Variants in MYH9 observed in about 807,000 individuals in gnomAD.
MYH9 encodes the protein myosin-9.
MYH9 carries 29 observed loss-of-function variants against 241.9 expected under a neutral mutation model. The observed-to-expected ratio is 0.12, with a 90% confidence interval of 0.09 to 0.16. The LOEUF (loss-of-function observed/expected upper bound fraction) is 0.16, where lower values mean the gene tolerates loss of function less well. MYH9 is among the 10% of genes least tolerant of loss of function. The pLI, the probability that MYH9 is intolerant of heterozygous loss-of-function variation, is 1.00. For missense variants in MYH9, 1,803 were observed against 2,595.5 expected, an observed-to-expected ratio of 0.69 and a Z score of 6.63; for synonymous variants, 1,047 against 1,062.6, an observed-to-expected ratio of 0.99 and a Z score of 0.29.
chr22:36,378,228 C>G (rs1049955704), intron 1 of MYH9, among the ~76,000 whole-genome samples: 1 of 151,862 alleles, frequency 6.6e-6, no homozygotes. Context: ...GAGTTGCTAT[C>G]GCGCCACCAC....
At chr22:36,378,232 C>T (rs891835356) in intron 1 of MYH9, among the ~76,000 whole-genome samples, 3 of 151,974 alleles carry the variant, frequency 2.0e-5, no homozygotes, top group Non-Finnish European at 4.4e-5. Context: ...TGCTATCGCG[C>T]CACCACATTC....
At position 36,284,874 on chromosome 22, in the gene MYH9, A is replaced by T. The variant is rs188626900; in HGVS notation, c.5483+247T>A. On this transcript the variant is annotated intron_variant, in intron 38 of 40. Coordinates refer to ENST00000216181, the MANE Select transcript of MYH9 (RefSeq NM_002473.6). ...GGACCCCCCTGTACCTCCTGCTCTG[A>T]TTCACTCTCAGACACAGCCACCAAA... Among the ~76,000 whole-genome samples the T allele has an allele frequency of 6.6e-4, 101 of 152,204 alleles. 1 individual carries two copies. The highest frequency in any genetic ancestry group is 2.4e-3 in the African/African-American group (100 of 41,502).
intron 1 of MYH9, among the ~76,000 whole-genome samples, chr22:36,362,929 T>C (rs1053942143): frequency 1.3e-5 from 2 of 152,084 alleles, no homozygotes; most frequent in African/African-American, 4.8e-5. Flanking sequence ...CCCACCCCAA[T>C]GCCTTCCACC....
intron 3 of MYH9, among the ~76,000 whole-genome samples, chr22:36,340,084 C>T (rs1248772886): frequency 2.0e-5 from 3 of 151,866 alleles, no homozygotes; most frequent in Non-Finnish European, 4.4e-5. Flanking sequence ...GTAAGGAGTT[C>T]CACATAGCTA....
rs574646303 is a variant in MYH9 at position 36,307,360 on chromosome 22, AAAAC to A, written c.1844-757_1844-754del. ...AAACCAATTGCATCCTCCAAGGTAA[AAAAC>A]AAACAAACAAGCCAAACCAAAGTGG... On this transcript the variant is annotated intron_variant, in intron 15 of 40. Coordinates refer to ENST00000216181, the MANE Select transcript of MYH9 (RefSeq NM_002473.6). Among the ~76,000 whole-genome samples, 142 of 152,330 alleles carry A rather than the reference AAAAC, an allele frequency of 9.3e-4. 1 individual carries two copies. The highest frequency in any genetic ancestry group is 3.4e-3 in the Middle Eastern group (1 of 294).
intron 4 of MYH9, 134 bp downstream of exon 4, chr22:36,327,327 G>T: frequency 1.0e-6 from 1 of 989,884 alleles, no homozygotes; most frequent in Non-Finnish European, 1.6e-6. Flanking sequence ...CCTATCCCTT[G>T]GAGAAGTGGA....
chr22:36,301,899 C>A (rs559879002), intron 20 of MYH9, among the ~76,000 whole-genome samples: 1 of 152,150 alleles, frequency 6.6e-6, no homozygotes, highest in African/African-American at 2.4e-5. Context: ...ATGTTCACCT[C>A]GGCATTGTTT....
Position 36,329,986 on chromosome 22 carries a change from G to A in MYH9, c.491-2498C>T, listed in dbSNP as rs553039682. Among the ~76,000 whole-genome samples, 8 of 152,286 alleles carry A rather than the reference G, an allele frequency of 5.3e-5. No homozygotes were observed. The highest frequency in any genetic ancestry group is 2.0e-4 in the Admixed American group (3 of 15,286). ...CAAGCACAAGTGCAAACACAGGCAC[G>A]CAAGGCACATGTATTCACAGGTGAA... On this transcript the variant is annotated intron_variant, in intron 3 of 40. Coordinates refer to ENST00000216181, the MANE Select transcript of MYH9 (RefSeq NM_002473.6). The surrounding 1 kb of genome is among the most constrained non-coding windows in gnomAD (Gnocchi z 4.1).
rs759187934 is a variant in MYH9 at position 36,294,174 on chromosome 22, G to A, written c.3755C>T (p.Ala1252Val). 1.1e-5 allele frequency: 18 copies of A among 1,613,502 alleles called. No individual in the cohort carries two copies. Among genetic ancestry groups the A allele is most frequent in the East Asian group, 6.7e-5 (3 of 44,900 alleles). ...CTTGACCTGCAGCTCCTGCAGCTGC[G>A]CCTCCACTTTCTTGCGCTTGTGCTC... ...DSEHKRKKVE[A>V]QLQELQVKFN... The change falls in exon 28 of 41, where the codon GCG (alanine) becomes GTG (valine). Residue 1252 changes from alanine (A) to valine (V), a missense_variant. Around this residue, in one of 11 missense-constraint regions of MYH9, gnomAD observed 876 missense variants for 1,077.8 expected, o/e 0.81. Transcript: ENST00000216181.
chr22:36,355,673 C>A (rs531228817), intron 1 of MYH9, among the ~76,000 whole-genome samples: 1 of 152,296 alleles, frequency 6.6e-6, no homozygotes, highest in South Asian at 2.1e-4. Context: ...GCAATAATTT[C>A]ATGAGGCACA....
Position 36,293,573 on chromosome 22 carries a change from CCTG to C in MYH9, c.3943-95_3943-93del. The stretch of plus-strand genomic sequence containing the variant: ...CCCTTGAGGAGAGGGAGGAGCTGGT[CCTG>C]CTGATTTAGGGGATGGCCACGTAAA... On this transcript the variant is annotated intron_variant, in intron 29 of 40. Coordinates refer to ENST00000216181, the MANE Select transcript of MYH9 (RefSeq NM_002473.6). The surrounding 1 kb of genome is among the most constrained non-coding windows in gnomAD (Gnocchi z 5.1). 1.3e-6 allele frequency: 2 copies of C among 1,562,720 alleles called. No individual in the cohort carries two copies. Among genetic ancestry groups the C allele is most frequent in the Non-Finnish European group, 1.7e-6 (2 of 1,144,626 alleles).
Position 36,282,309 on chromosome 22 carries a change from T to C in MYH9, c.*359A>G, listed in dbSNP as rs908829719. 18 of 427,608 alleles carry C rather than the reference T, an allele frequency of 4.2e-5. No homozygotes were observed. Among genetic ancestry groups the C allele is most frequent in the African/African-American group, 2.0e-4 (10 of 50,938 alleles). The allele number at this position is 427,608 out of a possible 1,614,324, so 26.5% of individuals were successfully genotyped here. On this transcript the variant is annotated 3_prime_UTR_variant, in exon 41 of 41. Coordinates refer to ENST00000216181, the MANE Select transcript of MYH9 (RefSeq NM_002473.6). ...CAAAAGGCCTCAGTCTGAAGAAAAA[T>C]AGATTCATAGAAAACTCTGGCCCCT... is the stretch of plus-strand genomic sequence containing the variant.
chr22:36,382,389 C>A (rs1308624729), intron 1 of MYH9, among the ~76,000 whole-genome samples: 1 of 151,954 alleles, frequency 6.6e-6, no homozygotes, highest in African/African-American at 2.4e-5. Flanking sequence ...GCAGGAGAAT[C>A]GCTTGAACCC....
intron 19 of MYH9, among the ~76,000 whole-genome samples, 180 bp downstream of exon 19, chr22:36,303,815 G>C (rs1009422329): frequency 4.2e-5 from 6 of 142,304 alleles, no homozygotes; most frequent in African/African-American, 1.6e-4. Flanking sequence ...AAAAAAAAAA[G>C]AACTGCCCGA....
chr22:36,319,477 C>T (rs1218942958), intron 10 of MYH9, 63 bp downstream of exon 10: 2 of 1,505,090 alleles, frequency 1.3e-6, no homozygotes, highest in Admixed American at 3.4e-5. Flanking sequence ...GACCTTCCCT[C>T]CTGAGCAAAT....
intron 15 of MYH9, among the ~76,000 whole-genome samples, chr22:36,308,270 AT>A (rs59819767): frequency 0.076 from 10,933 of 143,114 alleles, 1,186 homozygotes; most frequent in African/African-American, 0.25. Context: ...CTGTTTTAAG[AT>A]TTTTTTTTTT....
At chr22:36,299,615 G>C (rs1277759630) in intron 23 of MYH9, among the ~76,000 whole-genome samples, 2 of 152,190 alleles carry the variant, frequency 1.3e-5, no homozygotes, top group African/African-American at 2.4e-5. Flanking sequence ...GGGCTCCCAT[G>C]TTCTGAGGAG....
intron 14 of MYH9, among the ~76,000 whole-genome samples, chr22:36,311,627 T>C (rs2017065217): frequency 6.6e-6 from 1 of 152,274 alleles, no homozygotes; most frequent in Middle Eastern, 3.4e-3. Context: ...TAATCCTGTA[T>C]GGTGGGTGGT....
Position 36,293,745 on chromosome 22 carries a change from G to C in MYH9, c.3942+14C>G. The C allele has an allele frequency of 6.2e-7, 1 of 1,611,786 alleles. No individual in the cohort carries two copies. The highest frequency in any genetic ancestry group is 8.5e-7 in the Non-Finnish European group (1 of 1,178,668). Reference sequence around the variant, plus strand: ...GGAGGGGTCCACCTTCTGGGAACCTGGCGCCACCCCTACCTGAGTGTCCTG... The same window carrying C: ...GGAGGGGTCCACCTTCTGGGAACCTCGCGCCACCCCTACCTGAGTGTCCTG... On this transcript the variant is annotated intron_variant, in intron 29 of 40. Coordinates refer to ENST00000216181, the MANE Select transcript of MYH9 (RefSeq NM_002473.6). The surrounding 1 kb of genome is among the most constrained non-coding windows in gnomAD (Gnocchi z 5.1).
Sources: allele counts gnomAD v4.1 joint callset (sites outside exome capture counted in the v4.1 genomes callset), GRCh38; gene constraint gnomAD v4.1.1; regional missense constraint gnomAD v4.1.1; non-coding constraint Gnocchi (gnomAD v3.1); transcripts MANE v1.5; gene names NCBI Gene and HGNC (gene_info 2026-07-23, HGNC 2026-07-21).